DHX15: variants seen among roughly 807,000 people sequenced by gnomAD.
The protein encoded by DHX15 is DEAH-box helicase 15, also known as ATP-dependent RNA helicase DHX15.
Under a neutral mutation model 94.4 loss-of-function variants are expected in DHX15, and 11 were observed. That is an observed-to-expected ratio of 0.12 (90% confidence interval 0.07 to 0.19). DHX15 has a LOEUF of 0.19. DHX15 is among the 10% of genes least tolerant of loss of function. DHX15 has a pLI of 1.00. For synonymous variants in DHX15, 338 were observed against 329.9 expected (o/e 1.02, Z -0.27); for missense variants, 304 against 988.5 (o/e 0.31, Z 9.29).
At chr4:24,540,979 T>G in intron 8 of DHX15, 31 bp from the exon 9 acceptor site, 1 of 1,377,750 alleles carries the variant, frequency 7.3e-7, no homozygotes, top group African/African-American at 1.5e-5. Flanking sequence ...TTATTGGTTA[T>G]GTTAAAAATG....
At chr4:24,549,985 C>A (rs1453863315) in intron 5 of DHX15, among the ~76,000 whole-genome samples, 3 of 148,592 alleles carry the variant, frequency 2.0e-5, no homozygotes, top group Non-Finnish European at 3.0e-5. Flanking sequence ...CCCAGCTACT[C>A]GGGAGGCTGA....
At chr4:24,579,382 A>T (rs1321750168) in intron 1 of DHX15, among the ~76,000 whole-genome samples, 1 of 152,226 alleles carries the variant, frequency 6.6e-6, no homozygotes, top group Non-Finnish European at 1.5e-5. Context: ...AATATTTGTC[A>T]ACTATTGTGC....
intron 3 of DHX15, among the ~76,000 whole-genome samples, chr4:24,556,823 TACC>T (rs1721747538): frequency 6.6e-6 from 1 of 152,196 alleles, no homozygotes; most frequent in Non-Finnish European, 1.5e-5. Context: ...ACTAAAATGT[TACC>T]ACATGCAAAT....
At chr4:24,569,137 A>G (rs1354610829) in intron 3 of DHX15, among the ~76,000 whole-genome samples, 1 of 152,238 alleles carries the variant, frequency 6.6e-6, no homozygotes, top group African/African-American at 2.4e-5. Context: ...TTAAGAAACT[A>G]TCTCAGAGAT....
At chr4:24,570,031 G>A (rs1722086126) in intron 3 of DHX15, among the ~76,000 whole-genome samples, 1 of 152,188 alleles carries the variant, frequency 6.6e-6, no homozygotes, top group African/African-American at 2.4e-5. Context: ...ATCATCATCA[G>A]GTAGCATACA....
chr4:24,578,038 T>C (rs1342918587), intron 1 of DHX15, among the ~76,000 whole-genome samples: 3 of 152,194 alleles, frequency 2.0e-5, no homozygotes, highest in Non-Finnish European at 4.4e-5. Context: ...AAGCCATATA[T>C]ATGCATATAT....
chr4:24,579,863 T>C (rs6840527), intron 1 of DHX15, among the ~76,000 whole-genome samples: 35,237 of 152,084 alleles, frequency 0.23, 5,144 homozygotes, highest in Non-Finnish European at 0.33. Context: ...CCTCCCTGTT[T>C]CAAGCGATTC....
chr4:24,569,023 A>G (rs1560773949), intron 3 of DHX15, among the ~76,000 whole-genome samples: 1 of 152,238 alleles, frequency 6.6e-6, no homozygotes, highest in Non-Finnish European at 1.5e-5. Flanking sequence ...AAAAGTTCTA[A>G]TAAAATGAGA....
chr4:24,557,943 CTT>C (rs1721772797), intron 3 of DHX15, among the ~76,000 whole-genome samples: 2 of 148,442 alleles, frequency 1.3e-5, no homozygotes, highest in African/African-American at 5.0e-5. Flanking sequence ...AGTTACCTCT[CTT>C]AGCTTCAATA....
At chr4:24,554,558 T>C (rs1721682120) in intron 5 of DHX15, among the ~76,000 whole-genome samples, 167 bp downstream of exon 5, 1 of 152,216 alleles carries the variant, frequency 6.6e-6, no homozygotes, top group Admixed American at 6.5e-5. Flanking sequence ...TACAGAAGTA[T>C]TCCTACAGTA....
intron 3 of DHX15, among the ~76,000 whole-genome samples, chr4:24,569,447 C>T (rs949821964): frequency 2.0e-5 from 3 of 151,948 alleles, no homozygotes; most frequent in Non-Finnish European, 2.9e-5. Context: ...AAAAAGTTAG[C>T]CAGGCATGGT....
intron 2 of DHX15, among the ~76,000 whole-genome samples, chr4:24,574,209 A>AAAG (rs1365679374): frequency 0.053 from 4,835 of 91,438 alleles, 186 homozygotes; most frequent in African/African-American, 0.13. Context: ...TTGTCTCAAA[A>AAAG]AAAAAAAAAA....
At chr4:24,583,181 G>A (rs944363801) in intron 1 of DHX15, among the ~76,000 whole-genome samples, 3 of 152,134 alleles carry the variant, frequency 2.0e-5, no homozygotes, top group Non-Finnish European at 4.4e-5. Flanking sequence ...GGCTACTCGG[G>A]CTTTTGTGGG....
Position 24,531,335 on chromosome 4 carries a change from G to A in DHX15, c.2100+1529C>T, listed in dbSNP as rs1311970112. On this transcript the variant is annotated intron_variant, in intron 12 of 13. Coordinates refer to ENST00000336812, the MANE Select transcript of DHX15 (RefSeq NM_001358.3). ...GATCTCTTGACCTCGTGATCCACCC[G>A]CCTCGGCCTCCCAAAGTGCTGGGAT... is the stretch of plus-strand genomic sequence containing the variant. Among the ~76,000 whole-genome samples the A allele has an allele frequency of 4.6e-5, 7 of 152,176 alleles. No individual in the cohort carries two copies. The East Asian group carries it at 5.9e-4, about 13-fold the overall frequency.
intron 1 of DHX15, among the ~76,000 whole-genome samples, chr4:24,581,782 G>A (rs1722421261): frequency 6.6e-6 from 1 of 152,142 alleles, no homozygotes; most frequent in Admixed American, 6.5e-5. Flanking sequence ...TCAACAGTAA[G>A]TATGGAAAAT....
chr4:24,582,170 TTAAA>T (rs1722430880), intron 1 of DHX15, among the ~76,000 whole-genome samples: 1 of 152,194 alleles, frequency 6.6e-6, no homozygotes, highest in South Asian at 2.1e-4. Context: ...AAGTCCACTG[TTAAA>T]TAAAACCAGT....
chr4:24,548,947 T>C lies in DHX15; in HGVS notation c.1156A>G (p.Ile386Val), dbSNP rs1362086614. The C allele has an allele frequency of 1.2e-6, 2 of 1,613,826 alleles. No homozygotes were observed. Among genetic ancestry groups the C allele is most frequent in the Non-Finnish European group, 1.7e-6 (2 of 1,179,876 alleles). The change falls in exon 6 of 14, where the codon ATT becomes GTT. Residue 386 changes from isoleucine to valine, a missense_variant. By Grantham distance (29) the Ile-to-Val change is conservative. Coordinates refer to ENST00000336812, the MANE Select transcript of DHX15 (RefSeq NM_001358.3). Reference sequence around the variant, plus strand: ...GGTGGAAGTGTAGAATACAATGGAATGATTTTAATGTCACCAACTTCAGGG... The same window carrying C: ...GGTGGAAGTGTAGAATACAATGGAACGATTTTAATGTCACCAACTTCAGGG... ...LGPEVGDIKI[I>V]PLYSTLPPQQ... is the part of the protein sequence containing the mutation.
intron 3 of DHX15, among the ~76,000 whole-genome samples, chr4:24,569,480 T>C (rs1195874392): frequency 6.7e-6 from 1 of 149,984 alleles, no homozygotes; most frequent in African/African-American, 2.5e-5. Flanking sequence ...TAGTCCCAGC[T>C]ACCTGAGAGG....
At chr4:24,555,715 C>CA (rs1721723545) in intron 4 of DHX15, among the ~76,000 whole-genome samples, 1 of 152,026 alleles carries the variant, frequency 6.6e-6, no homozygotes, top group Non-Finnish European at 1.5e-5. Context: ...CTTTGGGGGA[C>CA]AAAAATGTCA....
Sources: gnomAD v4.1 joint callset for allele counts (sites outside exome capture counted in the v4.1 genomes callset) on GRCh38, gnomAD v4.1.1 for gene constraint, MANE v1.5 for transcripts, NCBI Gene and HGNC (gene_info 2026-07-23, HGNC 2026-07-21) for gene names.